EHMT1: variants seen among roughly 807,000 people sequenced by gnomAD.
EHMT1 encodes the protein histone-lysine N-methyltransferase EHMT1.
In EHMT1, 15 loss-of-function variants were observed where a neutral mutation model predicts 147.2. The ratio of observed to expected loss-of-function variants is 0.10; its 90% CI spans 0.07 to 0.16. EHMT1 has a LOEUF of 0.16. Among genes scored for constraint, EHMT1 ranks in the 10% least tolerant of loss-of-function variants. The pLI, the probability that EHMT1 is intolerant of heterozygous loss-of-function variation, is 1.00. For missense variants in EHMT1, 1,587 were observed against 1,772.4 expected (o/e 0.90, Z 1.88); for synonymous variants, 795 against 709.6 (o/e 1.12, Z -1.91).
chr9:137,668,885 C>G (rs980227507), intron 1 of EHMT1, among the ~76,000 whole-genome samples: 2 of 152,074 alleles, frequency 1.3e-5, no homozygotes, highest in Non-Finnish European at 2.9e-5. Context: ...GAGTAAATGC[C>G]AAGTTGTTTT....
chr9:137,784,045 A>G, intron 15 of EHMT1: 6 of 800,758 alleles, frequency 7.5e-6, no homozygotes, highest in Non-Finnish European at 1.3e-5. Flanking sequence ...CATTTTCTCT[A>G]GCTATAAGAG....
In EHMT1 at chr9:137,777,917, T is replaced by G; in HGVS notation, c.2054T>G (p.Leu685Arg). 6.2e-7 allele frequency: 1 copy of G among 1,613,776 alleles called. No homozygotes were observed. Among genetic ancestry groups the G allele is most frequent in the Non-Finnish European group, 8.5e-7 (1 of 1,180,026 alleles). ...CCACCACTCTCGGAGGACGACAAGC[T>G]GCAGGGTGCAGCCTCCCACGTGCCC... ...AGPPLSEDDK[L>R]QGAASHVPEG... Residue 685 changes from leucine (L) to arginine (R), a missense_variant, in exon 13 of 27, where the codon CTG becomes CGG. Around this residue, in one of 7 missense-constraint regions of EHMT1, gnomAD observed 77 missense variants for 79.3 expected, o/e 0.97. Coordinates refer to ENST00000460843, the MANE Select transcript of EHMT1 (RefSeq NM_024757.5).
intron 1 of EHMT1, among the ~76,000 whole-genome samples, chr9:137,701,364 A>G (rs1233316277): frequency 2.0e-5 from 3 of 151,514 alleles, no homozygotes; most frequent in Non-Finnish European, 2.9e-5. Flanking sequence ...GCTCACTGCA[A>G]CCTCTGTCCC....
chr9:137,694,459 G>A (rs1463947827), intron 1 of EHMT1, among the ~76,000 whole-genome samples: 4 of 152,164 alleles, frequency 2.6e-5, no homozygotes, highest in African/African-American at 4.8e-5. Context: ...TGGAGGAGGC[G>A]CACAGCTGAG....
rs544000123 is a variant in EHMT1 at position 137,811,648 on chromosome 9, C to T, written c.2867+33C>T. 65 of 1,598,942 alleles carry T rather than the reference C, an allele frequency of 4.1e-5. 1 individual carries two copies. In the East Asian group the frequency reaches 4.5e-4, roughly 11 times the overall value. On this transcript the variant is annotated intron_variant, in intron 19 of 26. Transcript: ENST00000460843. ...CAGTGCTTCCCCCAGCGCGGGCTGGCGCTGACCTGACCTGGGCGCCCAGAG... is the reference window on the plus strand; with the variant it reads ...CAGTGCTTCCCCCAGCGCGGGCTGGTGCTGACCTGACCTGGGCGCCCAGAG...
chr9:137,752,198 C>A, intron 6 of EHMT1, 133 bp from the exon 7 acceptor site: 1 of 1,105,796 alleles, frequency 9.0e-7, no homozygotes, highest in Non-Finnish European at 1.3e-6. Context: ...GCGCCCCCGC[C>A]CCGCGAGCGT....
At chr9:137,798,669 C>T (rs1386273807) in intron 16 of EHMT1, 144 bp from the exon 17 acceptor site, 7 of 751,560 alleles carry the variant, frequency 9.3e-6, no homozygotes, top group Non-Finnish European at 1.4e-5. Context: ...TTCCCTCGGC[C>T]TCAGCCTGGG....
chr9:137,747,663 T>C (rs752944269), intron 6 of EHMT1: 5 of 152,352 alleles, frequency 3.3e-5, no homozygotes, highest in Non-Finnish European at 5.9e-5. Flanking sequence ...CAGTCCGCTT[T>C]CTGTTTTCTG....
chr9:137,744,196 C>T lies in EHMT1; in HGVS notation c.1170+106C>T. The T allele has an allele frequency of 5.0e-6, 6 of 1,211,468 alleles. No individual in the cohort carries two copies. The South Asian group carries it at 6.4e-5, about 13-fold the overall frequency. The allele number at this position is 1,211,468 out of a possible 1,614,324, so 75.0% of individuals were successfully genotyped here. A position where few individuals can be genotyped will look rare whatever the true frequency, so the allele number is the denominator to read the frequency against. On this transcript the variant is annotated intron_variant, in intron 6 of 26. Transcript: ENST00000460843. ...TCACTTCTAGACCCTGATAAAATCC[C>T]CTGTTTACAATTGGCTTAGATTTTT...
intron 1 of EHMT1, among the ~76,000 whole-genome samples, chr9:137,656,145 C>T (rs1298116843): frequency 2.0e-5 from 3 of 152,070 alleles, no homozygotes; most frequent in Non-Finnish European, 2.9e-5. Flanking sequence ...TTTGAGAGGC[C>T]GAGGTGGGCG....
rs984270076 is a variant in EHMT1 at position 137,776,215 on chromosome 9, C to A, written c.1792-403C>A. Among the ~76,000 whole-genome samples the A allele has an allele frequency of 6.6e-6, 1 of 152,194 alleles. No individual in the cohort carries two copies. Among genetic ancestry groups the A allele is most frequent in the African/African-American group, 2.4e-5 (1 of 41,456 alleles). On this transcript the variant is annotated intron_variant, in intron 11 of 26. Coordinates refer to ENST00000460843, the MANE Select transcript of EHMT1 (RefSeq NM_024757.5). The surrounding 1 kb of genome is among the most constrained non-coding windows in gnomAD (Gnocchi z 4.4). ...CTGGGTCGCCAAACCACATCTGCTG[C>A]GCACTGCTGGGCACTGAGGCAGCTC...
intron 24 of EHMT1, 96 bp from the exon 25 acceptor site, chr9:137,817,964 C>T: frequency 8.4e-7 from 1 of 1,193,338 alleles, no homozygotes; most frequent in Non-Finnish European, 1.3e-6. Context: ...CTGGTGTGCC[C>T]TGCTCTTTCC....
At chr9:137,833,121 C>T (rs553047644) in intron 25 of EHMT1, among the ~76,000 whole-genome samples, 2 of 152,294 alleles carry the variant, frequency 1.3e-5, no homozygotes, top group South Asian at 4.1e-4. Context: ...CCTTTACCCG[C>T]TTGTTGGTTT....
rs1253583815 is a variant in EHMT1 at position 137,775,452 on chromosome 9, CA to C, written c.1791+202del. On this transcript the variant is annotated intron_variant, in intron 11 of 26. Coordinates refer to ENST00000460843, the MANE Select transcript of EHMT1 (RefSeq NM_024757.5). The surrounding 1 kb of genome is among the most constrained non-coding windows in gnomAD (Gnocchi z 6.1). ...CCAGTGCCTTAGACACCTTCACCCC[CA>C]ACCCCCATTTCCCTCCTACCGCCTG... is the stretch of plus-strand genomic sequence containing the variant. Among the ~76,000 whole-genome samples, 2 of 151,906 alleles carry C rather than the reference CA, an allele frequency of 1.3e-5. No individual in the cohort carries two copies. Among genetic ancestry groups the C allele is most frequent in the East Asian group, 3.9e-4 (2 of 5,092 alleles).
chr9:137,698,964 A>G (rs1254777796), intron 1 of EHMT1, among the ~76,000 whole-genome samples: 1 of 149,888 alleles, frequency 6.7e-6, no homozygotes, highest in Non-Finnish European at 1.5e-5. Flanking sequence ...GTAGTTTGGT[A>G]GAAATTGATG....
At position 137,643,401 on chromosome 9, in the gene EHMT1, T is replaced by C. The variant is rs545646941; in HGVS notation, c.21+24352T>C. 1.3e-4 allele frequency among the ~76,000 whole-genome samples: 19 copies of C among 144,712 alleles called. No individual in the cohort carries two copies. The East Asian group carries it at 3.5e-3, about 27-fold the overall frequency. 94.9% of individuals were successfully genotyped at this position (144,712 alleles called of 152,430 possible). The stretch of plus-strand genomic sequence containing the variant: ...TCTCGCCCAGGCTGGAGTGCAGTGG[T>C]GCCATCTCGGCTCACTGCAAGCTCT... On this transcript the variant is annotated intron_variant, in intron 1 of 26. Transcript: ENST00000460843.
intron 23 of EHMT1, 184 bp downstream of exon 23, chr9:137,816,246 C>T (rs552504741): frequency 2.0e-5 from 13 of 659,508 alleles, no homozygotes; most frequent in African/African-American, 3.5e-5. Context: ...CCATAAATCA[C>T]GAGTCATGCT....
intron 1 of EHMT1, among the ~76,000 whole-genome samples, chr9:137,628,041 G>A (rs947003960): frequency 6.6e-6 from 1 of 152,142 alleles, no homozygotes; most frequent in African/African-American, 2.4e-5. Flanking sequence ...GGGGCTAAAC[G>A]TCTGGTGTCT....
intron 2 of EHMT1, among the ~76,000 whole-genome samples, chr9:137,712,017 G>C (rs1944780491): frequency 6.6e-6 from 1 of 152,194 alleles, no homozygotes; most frequent in South Asian, 2.1e-4. Context: ...GTGCACTGTG[G>C]TGACCGCTGC....
Sources: allele counts gnomAD v4.1 joint callset (sites outside exome capture counted in the v4.1 genomes callset), GRCh38; gene constraint gnomAD v4.1.1; regional missense constraint gnomAD v4.1.1; non-coding constraint Gnocchi (gnomAD v3.1); transcripts MANE v1.5; gene names NCBI Gene and HGNC (gene_info 2026-07-23, HGNC 2026-07-21).